Variants in HIVEP1 observed in about 807,000 individuals in gnomAD.
HIVEP1 encodes the protein zinc finger protein 40.
A neutral mutation model predicts 180.0 loss-of-function variants in HIVEP1; 36 were observed. That is an observed-to-expected ratio of 0.20 (90% confidence interval 0.15 to 0.26). The LOEUF (loss-of-function observed/expected upper bound fraction) is 0.26, where lower values mean the gene tolerates loss of function less well. Ranked by LOEUF, HIVEP1 falls within the 10% of genes least tolerant of loss-of-function variation. The pLI is 1.00. For missense variants in HIVEP1, 3,143 were observed against 3,268.7 expected (o/e 0.96, Z 0.94); for synonymous variants, 1,239 against 1,239.0 (o/e 1.00, Z 0.00).
At chr6:12,190,348 T>G in the HIVEP1 span, among the ~76,000 whole-genome samples, 4 of 152,364 alleles carry the variant, frequency 2.6e-5, no homozygotes, top group African/African-American at 9.6e-5. Context: ...CAAAAGTTTC[T>G]TTCCAGAGGT....
At chr6:12,177,061 G>A in the HIVEP1 span, among the ~76,000 whole-genome samples, 1 of 152,260 alleles carries the variant, frequency 6.6e-6, no homozygotes, top group East Asian at 1.9e-4. Context: ...ACTAACGCAG[G>A]AACAGAAAAA....
intron 2 of HIVEP1, among the ~76,000 whole-genome samples, chr6:12,082,859 C>T (rs975502706): frequency 1.3e-5 from 2 of 152,118 alleles, no homozygotes; most frequent in African/African-American, 4.8e-5. Context: ...GCCAAATGGA[C>T]TATGTGTGTA....
chr6:12,189,872 A>G, the HIVEP1 span, among the ~76,000 whole-genome samples: 32 of 152,348 alleles, frequency 2.1e-4, no homozygotes, highest in East Asian at 1.9e-3. Context: ...TAAATGGCCA[A>G]ATAAGGAAGA....
chr6:12,173,368 C>T, the HIVEP1 span, among the ~76,000 whole-genome samples: 8 of 152,010 alleles, frequency 5.3e-5, no homozygotes, highest in African/African-American at 1.9e-4. Context: ...ACATATTTCT[C>T]CTAGGAAGGG....
In HIVEP1 at chr6:12,125,240, G is replaced by A; in HGVS notation, c.5445G>A (p.Lys1815=). The change falls in exon 4 of 9, where the codon AAG becomes AAA. Residue 1815 remains lysine, a synonymous_variant. Coordinates refer to ENST00000379388, the MANE Select transcript of HIVEP1 (RefSeq NM_002114.4). ...CCCTGGACGGTGTGATGTTGGAAAA[G>A]GATGTTTTTTCTCAACCTGAAATTA... ...TEPLDGVMLE[K]DVFSQPEISN... is the part of the protein sequence containing the mutation. The A allele has an allele frequency of 6.2e-7, 1 of 1,614,128 alleles. No homozygotes were observed. The highest frequency in any genetic ancestry group is 2.2e-5 in the East Asian group (1 of 44,888).
chr6:12,168,537 G>T (rs758746854), downstream of HIVEP1, among the ~76,000 whole-genome samples: 9 of 151,110 alleles, frequency 6.0e-5, no homozygotes, highest in Non-Finnish European at 8.8e-5. Context: ...ACTTACTATG[G>T]TTCAATTTAA....
rs571323676 is a variant in HIVEP1, at chr6:12,110,526, T to C, written c.95-9364T>C. On this transcript the variant is annotated intron_variant, in intron 3 of 8. Coordinates refer to ENST00000379388, the MANE Select transcript of HIVEP1 (RefSeq NM_002114.4). ...TGGAGATGGCCTCTTTCCTTAAATC[T>C]CTTGAGCCAACCTCTGCTAGCTGTC... is the stretch of plus-strand genomic sequence containing the variant. Among the ~76,000 whole-genome samples, 4 of 152,346 alleles carry C rather than the reference T, an allele frequency of 2.6e-5. No individual in the cohort carries two copies. The East Asian group carries it at 7.7e-4, about 29-fold the overall frequency.
At chr6:12,173,896 A>G in the HIVEP1 span, among the ~76,000 whole-genome samples, 1 of 152,188 alleles carries the variant, frequency 6.6e-6, no homozygotes, top group African/African-American at 2.4e-5. Context: ...AGATCAGTCA[A>G]TTAGCCAGGC....
At chr6:12,025,284 A>T (rs1029352293) in intron 2 of HIVEP1, among the ~76,000 whole-genome samples, 1 of 152,236 alleles carries the variant, frequency 6.6e-6, no homozygotes, top group Non-Finnish European at 1.5e-5. Context: ...AGCTGAGGTT[A>T]TTCAGGAGGT....
intron 2 of HIVEP1, among the ~76,000 whole-genome samples, chr6:12,079,643 T>C (rs1014793506): frequency 6.6e-6 from 1 of 152,170 alleles, no homozygotes; most frequent in African/African-American, 2.4e-5. Flanking sequence ...TTAGAGAACA[T>C]TGATTTGCAA....
At chr6:12,192,309 A>G in the HIVEP1 span, among the ~76,000 whole-genome samples, 1 of 152,276 alleles carries the variant, frequency 6.6e-6, no homozygotes, top group South Asian at 2.1e-4. Flanking sequence ...AAATTTTTAA[A>G]TGGATACACA....
chr6:12,124,539 C>T lies in HIVEP1; in HGVS notation c.4744C>T (p.Pro1582Ser), dbSNP rs777312329. 8.1e-6 allele frequency: 13 copies of T among 1,613,930 alleles called. No homozygotes were observed. The highest frequency in any genetic ancestry group is 1.1e-5 in the Non-Finnish European group (13 of 1,179,982). Residue 1582 changes from proline to serine, a missense_variant, in exon 4 of 9, where the codon CCA becomes TCA. Coordinates refer to ENST00000379388, the MANE Select transcript of HIVEP1 (RefSeq NM_002114.4). ...CTCTTCTAATCCTGTGCATTCTTTGCCAAATCAAGTTATTTCAGATCCAGT... is the reference window on the plus strand; with the variant it reads ...CTCTTCTAATCCTGTGCATTCTTTGTCAAATCAAGTTATTTCAGATCCAGT... ...SCSSNPVHSL[P>S]NQVISDPVGT...
At chr6:12,177,240 A>G in the HIVEP1 span, among the ~76,000 whole-genome samples, 4 of 152,170 alleles carry the variant, frequency 2.6e-5, no homozygotes, top group Non-Finnish European at 4.4e-5. Flanking sequence ...GGGTGATGAA[A>G]TAATCTGTAC....
In HIVEP1 at chr6:12,125,721, A is replaced by C. The variant is rs760549930; in HGVS notation, c.5926A>C (p.Asn1976His). 3.7e-6 allele frequency: 6 copies of C among 1,614,216 alleles called. No individual in the cohort carries two copies. In the South Asian group the frequency reaches 4.4e-5, roughly 12 times the overall value. The change falls in exon 4 of 9, where the codon AAT becomes CAT. Residue 1976 changes from asparagine to histidine, a missense_variant. Asn to His is a moderately conservative substitution (Grantham distance 68). Transcript: ENST00000379388. ...TDWTVSASNP[N>H]PLGLPTKVAL... ...TTGGACAGTAAGCGCCAGTAATCCA[A>C]ATCCACTCGGTTTGCCCACAAAAGT... is the stretch of plus-strand genomic sequence containing the variant.
chr6:12,024,582 G>T (rs1006761302), intron 2 of HIVEP1, among the ~76,000 whole-genome samples: 1 of 152,196 alleles, frequency 6.6e-6, no homozygotes, highest in Non-Finnish European at 1.5e-5. Context: ...TTTGTACTTT[G>T]AAGTGTGCTT....
chr6:12,151,286 G>A (rs1250294556), intron 7 of HIVEP1, among the ~76,000 whole-genome samples: 1 of 152,088 alleles, frequency 6.6e-6, no homozygotes, highest in Non-Finnish European at 1.5e-5. Flanking sequence ...GTGGCTGGGA[G>A]GACATAATTA....
At chr6:12,022,618 C>T (rs1223395328) in intron 2 of HIVEP1, among the ~76,000 whole-genome samples, 1 of 152,198 alleles carries the variant, frequency 6.6e-6, no homozygotes, top group Middle Eastern at 3.2e-3. Flanking sequence ...GATGATATGG[C>T]AAATGTAAGC....
At chr6:12,077,721 A>C (rs1271697720) in intron 2 of HIVEP1, among the ~76,000 whole-genome samples, 1 of 152,192 alleles carries the variant, frequency 6.6e-6, no homozygotes, top group East Asian at 1.9e-4. Flanking sequence ...TCAAATTGAC[A>C]TCTAATTCTG....
intron 4 of HIVEP1, among the ~76,000 whole-genome samples, chr6:12,126,579 TAAGC>T (rs2113546229): frequency 6.6e-6 from 1 of 152,338 alleles, no homozygotes; most frequent in South Asian, 2.1e-4. Context: ...GAATAATAGG[TAAGC>T]ATATCACGTT....
Sources: allele counts gnomAD v4.1 joint callset (sites outside exome capture counted in the v4.1 genomes callset), GRCh38; gene constraint gnomAD v4.1.1; transcripts MANE v1.5; gene names NCBI Gene and HGNC (gene_info 2026-07-23, HGNC 2026-07-21).